CD4: variants seen among roughly 807,000 people sequenced by gnomAD.
CD4 encodes CD4 molecule.
In CD4, 25 loss-of-function variants were observed where a neutral mutation model predicts 50.5. The observed-to-expected ratio is 0.49, with a 90% CI of 0.36 to 0.69. The LOEUF (loss-of-function observed/expected upper bound fraction) is 0.69, where lower values mean the gene tolerates loss of function less well. Ranked by LOEUF, CD4 falls within the 30% of genes least tolerant of loss-of-function variation. The pLI is 0.00. For missense variants in CD4, 456 were observed against 548.5 expected (o/e 0.83, Z 1.68); for synonymous variants, 207 against 221.9 (o/e 0.93, Z 0.60).
chr12:6,815,833 C>T, intron 5 of CD4: 1 of 1,487,976 alleles, frequency 6.7e-7, no homozygotes. Flanking sequence ...TCTGTGATGG[C>T]TTCCGGGAGG....
At position 6,814,832 on chromosome 12, in the gene CD4, T is replaced by C. The variant is rs782199835; in HGVS notation, c.447T>C (p.Ser149=). 5.0e-6 allele frequency: 8 copies of C among 1,613,492 alleles called. No individual in the cohort carries two copies. The African/African-American group carries it at 9.4e-5, about 19-fold the overall frequency. The change falls in exon 5 of 10, where the codon AGT becomes AGC. Residue 149 remains serine, a synonymous_variant. Coordinates refer to ENST00000011653, the MANE Select transcript of CD4 (RefSeq NM_000616.5). ...TGACCTTGGAGAGCCCCCCTGGTAG[T>C]AGCCCCTCAGTGCAATGTAGGAGTC... is the stretch of plus-strand genomic sequence containing the variant. ...LTLTLESPPG[S]SPSVQCRSPR... is the part of the protein sequence containing the mutation.
intron 3 of CD4, among the ~76,000 whole-genome samples, chr12:6,805,723 C>G (rs781909902): frequency 6.6e-6 from 1 of 152,124 alleles, no homozygotes; most frequent in African/African-American, 2.4e-5. Flanking sequence ...CAATTTTCCC[C>G]AAATTAATAT....
chr12:6,811,628 G>A (rs193015207), intron 3 of CD4, among the ~76,000 whole-genome samples: 1 of 149,610 alleles, frequency 6.7e-6, no homozygotes, highest in Non-Finnish European at 1.5e-5. Flanking sequence ...AAGTAGCTGG[G>A]ATTACAGGCA....
At position 6,819,344 on chromosome 12, in the gene CD4, C is replaced by A; in HGVS notation, c.*15C>A. 6.2e-7 allele frequency: 1 copy of A among 1,613,662 alleles called. No homozygotes were observed. Among genetic ancestry groups the A allele is most frequent in the Non-Finnish European group, 8.5e-7 (1 of 1,179,560 alleles). ...GCCCCATTTGAGGCACGAGGCCAGG[C>A]AGATCCCACTTGCAGCCTCCCCAGG... On this transcript the variant is annotated 3_prime_UTR_variant, in exon 10 of 10. Transcript: ENST00000011653.
Position 6,800,159 on chromosome 12 carries a change from T to C in CD4, c.21T>C (p.Phe7=). The change falls in exon 2 of 10, where the codon TTT becomes TTC. Residue 7 remains phenylalanine, a synonymous_variant. Coordinates refer to ENST00000011653, the MANE Select transcript of CD4 (RefSeq NM_000616.5). MNRGVP[F]RHLLLVLQLA... The stretch of plus-strand genomic sequence containing the variant: ...CCACAATGAACCGGGGAGTCCCTTT[T>C]AGGCACTTGCTTCTGGTGCTGCAAC... 1 of 1,613,968 alleles carries C rather than the reference T, an allele frequency of 6.2e-7. No individual in the cohort carries two copies. The highest frequency in any genetic ancestry group is 2.2e-5 in the East Asian group (1 of 44,880).
chr12:6,815,854 C>G (rs1366878477), intron 5 of CD4: 1 of 1,509,726 alleles, frequency 6.6e-7, no homozygotes, highest in African/African-American at 1.4e-5. Flanking sequence ...AGGGAGGTGG[C>G]CTGCTGTAGG....
chr12:6,801,182 A>G (rs1942533953), intron 3 of CD4, among the ~76,000 whole-genome samples: 1 of 151,410 alleles, frequency 6.6e-6, no homozygotes, highest in African/African-American at 2.4e-5. Context: ...CTGGAATTAC[A>G]GGTGTGTGTC....
At position 6,793,649 on chromosome 12, in the gene CD4, CATCTATCTATCTATCT is replaced by C. The variant is rs56153037; in HGVS notation, c.-68+4028_-68+4043del. Among the ~76,000 whole-genome samples, 772 of 128,224 alleles carry C rather than the reference CATCTATCTATCTATCT, an allele frequency of 6.0e-3. 11 individuals are homozygous for C. The highest frequency in any genetic ancestry group is 8.0e-3 in the Non-Finnish European group (499 of 62,758). 84.1% of individuals were successfully genotyped at this position (128,224 alleles called of 152,430 possible). ...TTTAAACAAAATTGTATCTATCTAT[CATCTATCTATCTATCT>C]ATCTATCTATCTATCTATCTATCTA... is the stretch of plus-strand genomic sequence containing the variant. On this transcript the variant is annotated intron_variant, in intron 1 of 9. Transcript: ENST00000011653.
In CD4 at chr12:6,817,164, G is replaced by A; in HGVS notation, c.990G>A (p.Val330=). The part of the protein sequence containing the change: ...TQLQKNLTCE[V]WGPTSPKLML... Reference sequence around the variant, plus strand: ...TCCAGAAAAATTTGACCTGTGAGGTGTGGGGACCCACCTCCCCTAAGCTGA... The same window carrying A: ...TCCAGAAAAATTTGACCTGTGAGGTATGGGGACCCACCTCCCCTAAGCTGA... The change falls in exon 7 of 10, where the codon GTG becomes GTA. Residue 330 remains valine, a synonymous_variant. Coordinates refer to ENST00000011653, the MANE Select transcript of CD4 (RefSeq NM_000616.5). The A allele has an allele frequency of 1.2e-6, 2 of 1,614,102 alleles. No individual in the cohort carries two copies. Among genetic ancestry groups the A allele is most frequent in the Non-Finnish European group, 1.7e-6 (2 of 1,179,954 alleles).
chr12:6,819,278 C>T, intron 9 of CD4, 21 bp from the exon 10 acceptor site: 1 of 1,614,004 alleles, frequency 6.2e-7, no homozygotes. Flanking sequence ...GACCTGCTCC[C>T]CTTCTTCTTT....
At chr12:6,812,666 C>T (rs1226602973) in intron 3 of CD4, among the ~76,000 whole-genome samples, 2 of 150,562 alleles carry the variant, frequency 1.3e-5, no homozygotes, top group Admixed American at 6.6e-5. Flanking sequence ...GCAACAATAG[C>T]GAAACTCCAT....
chr12:6,801,571 A>AT (rs1220009697), intron 3 of CD4, among the ~76,000 whole-genome samples: 5 of 147,888 alleles, frequency 3.4e-5, no homozygotes, highest in South Asian at 2.1e-4. Context: ...TTATTTATTT[A>AT]TTTTTTTGAG....
At chr12:6,803,701 C>A (rs951266491) in intron 3 of CD4, among the ~76,000 whole-genome samples, 8 of 151,678 alleles carry the variant, frequency 5.3e-5, no homozygotes, top group Non-Finnish European at 8.8e-5. Context: ...AGGAGAATTG[C>A]GTGAACCCAG....
intron 3 of CD4, among the ~76,000 whole-genome samples, chr12:6,811,636 G>A (rs1360189222): frequency 6.7e-6 from 1 of 149,982 alleles, no homozygotes; most frequent in Non-Finnish European, 1.5e-5. Flanking sequence ...GGGATTACAG[G>A]CATGCGTCAC....
intron 1 of CD4, among the ~76,000 whole-genome samples, chr12:6,797,629 G>C (rs1209301647): frequency 6.6e-6 from 1 of 152,102 alleles, no homozygotes; most frequent in East Asian, 1.9e-4. Flanking sequence ...GGGGCTATAG[G>C]GTGAAGGTGA....
rs1555117636 is a variant in CD4, at chr12:6,814,865, T to A, written c.480T>A (p.Gly160=). 1 of 1,612,522 alleles carries A rather than the reference T, an allele frequency of 6.2e-7. No individual in the cohort carries two copies. Among genetic ancestry groups the A allele is most frequent in the South Asian group, 1.1e-5 (1 of 91,018 alleles). ...SPSVQCRSPR[G]KNIQGGKTLS... is the part of the protein sequence containing the mutation. The stretch of plus-strand genomic sequence containing the variant: ...CAGTGCAATGTAGGAGTCCAAGGGG[T>A]AAAAACATACAGGGGGGGAAGACCC... Residue 160 remains glycine, a synonymous_variant, in exon 5 of 10, where the codon GGT becomes GGA. Transcript: ENST00000011653.
chr12:6,809,006 T>C (rs568852070), intron 3 of CD4, among the ~76,000 whole-genome samples: 14 of 152,338 alleles, frequency 9.2e-5, no homozygotes, highest in South Asian at 4.1e-4. Context: ...AAGTCTTTTG[T>C]GTTGATGCTT....
At chr12:6,800,247 G>A (rs916351570) in intron 2 of CD4, 60 bp downstream of exon 2, 83 of 1,612,492 alleles carry the variant, frequency 5.1e-5, no homozygotes, top group Non-Finnish European at 6.6e-5. Flanking sequence ...CAAAGGTGGA[G>A]GATGGGGTAG....
intron 3 of CD4, among the ~76,000 whole-genome samples, chr12:6,805,734 A>G (rs1555116060): frequency 6.6e-6 from 1 of 152,166 alleles, no homozygotes; most frequent in African/African-American, 2.4e-5. Flanking sequence ...AAATTAATAT[A>G]CAAGTTTAAT....
Sources: gnomAD v4.1 joint callset for allele counts (sites outside exome capture counted in the v4.1 genomes callset) on GRCh38, gnomAD v4.1.1 for gene constraint, MANE v1.5 for transcripts, NCBI Gene and HGNC (gene_info 2026-07-23, HGNC 2026-07-21) for gene names.